The following MICAL3 variants were observed in gnomAD, a reference collection of about 807,000 sequenced individuals.
MICAL3 encodes [F-actin]-monooxygenase MICAL3.
A neutral mutation model predicts 207.4 loss-of-function variants in MICAL3; 62 were observed. The ratio of observed to expected loss-of-function variants is 0.30; its 90% CI spans 0.24 to 0.37. The LOEUF (loss-of-function observed/expected upper bound fraction) is 0.37, where lower values mean the gene tolerates loss of function less well. Among genes scored for constraint, MICAL3 ranks in the 10% least tolerant of loss-of-function variants. The pLI is 1.00. For synonymous variants in MICAL3, 1,077 were observed against 1,069.3 expected, an observed-to-expected ratio of 1.01 and a Z score of -0.14; for missense variants, 2,368 against 2,635.6, an observed-to-expected ratio of 0.90 and a Z score of 2.22.
In MICAL3 at chr22:17,819,059, G is replaced by A. The variant is rs1921260834; in HGVS notation, c.3602C>T (p.Pro1201Leu). ...KSPEERLFPE[P>L]LLPKEKPKAD... ...TTTGGGCTTCTCTTTGGGGAGCAAAGGCTCAGGGAAAAGGCGCTCCTCAGG... is the reference window on the plus strand; with the variant it reads ...TTTGGGCTTCTCTTTGGGGAGCAAAAGCTCAGGGAAAAGGCGCTCCTCAGG... Residue 1201 changes from proline (P) to leucine (L), a missense_variant, in exon 26 of 32, where the codon CCT (proline) becomes CTT (leucine). Transcript: ENST00000441493. The A allele has an allele frequency of 1.9e-6, 3 of 1,573,928 alleles. No homozygotes were observed. The highest frequency in any genetic ancestry group is 1.4e-5 in the African/African-American group (1 of 73,564).
chr22:17,999,644 G>T (rs956433008), intron 1 of MICAL3, among the ~76,000 whole-genome samples: 1 of 152,180 alleles, frequency 6.6e-6, no homozygotes. Flanking sequence ...CACGGAACAG[G>T]ATCATCCCAG....
At chr22:17,974,419 G>C (rs775655901) in intron 1 of MICAL3, among the ~76,000 whole-genome samples, 1 of 152,190 alleles carries the variant, frequency 6.6e-6, no homozygotes, top group Non-Finnish European at 1.5e-5. Context: ...ACATTTATAA[G>C]AGCTGTGTGA....
chr22:17,838,259 G>A (rs1311867296), intron 20 of MICAL3, among the ~76,000 whole-genome samples: 5 of 152,226 alleles, frequency 3.3e-5, no homozygotes, highest in South Asian at 2.1e-4. Context: ...CCCCAGAGGC[G>A]CTGAATCAGA....
intron 17 of MICAL3, among the ~76,000 whole-genome samples, 166 bp from the exon 18 acceptor site, chr22:17,866,178 C>A (rs961798585): frequency 6.6e-6 from 1 of 152,228 alleles, no homozygotes; most frequent in African/African-American, 2.4e-5. Flanking sequence ...GCCAGTTCCT[C>A]CGGGTAAACT....
At chr22:17,821,024 CCT>C (rs67966025) in intron 25 of MICAL3, among the ~76,000 whole-genome samples, 16,564 of 103,454 alleles carry the variant, frequency 0.16, 2,915 homozygotes, top group African/African-American at 0.19. Context: ...TTTTAATACA[CCT>C]ATGTTTATTA....
At chr22:17,893,652 G>A (rs1469462359) in intron 11 of MICAL3, among the ~76,000 whole-genome samples, 156 bp downstream of exon 11, 1 of 152,112 alleles carries the variant, frequency 6.6e-6, no homozygotes, top group Non-Finnish European at 1.5e-5. Flanking sequence ...CAACTACCAA[G>A]TATCCCCTGG....
Position 17,864,994 on chromosome 22 carries a change from A to G in MICAL3, c.2518-8T>C. The G allele has an allele frequency of 6.3e-7, 1 of 1,595,258 alleles. No individual in the cohort carries two copies. Among genetic ancestry groups the G allele is most frequent in the Non-Finnish European group, 8.6e-7 (1 of 1,165,930 alleles). ...CAGGGGTCCTTTGGCCTCCTAGGAA[A>G]GTTCATGAGAAAAAGAAGAGTGACT... On this transcript the variant is annotated splice_polypyrimidine_tract_variant and splice_region_variant and intron_variant, in intron 18 of 31. Coordinates refer to ENST00000441493, the MANE Select transcript of MICAL3 (RefSeq NM_015241.3).
intron 1 of MICAL3, among the ~76,000 whole-genome samples, chr22:17,941,914 G>A (rs1039636092): frequency 6.6e-6 from 1 of 152,148 alleles, no homozygotes; most frequent in Non-Finnish European, 1.5e-5. Context: ...GAAGGCCTGG[G>A]GCTGCAGCAC....
intron 1 of MICAL3, among the ~76,000 whole-genome samples, chr22:17,965,192 AAAAAAAAAAAAGG>A (rs1027170939): frequency 4.6e-5 from 7 of 151,892 alleles, no homozygotes; most frequent in Non-Finnish European, 1.0e-4. Flanking sequence ...CCAAAAAAAA[AAAAAAAAAAAAGG>A]AAGGGAACTA....
chr22:17,802,204 A>G (rs566312086), intron 29 of MICAL3, among the ~76,000 whole-genome samples: 1 of 152,204 alleles, frequency 6.6e-6, no homozygotes, highest in South Asian at 2.1e-4. Context: ...ATGGAACTAC[A>G]GGCACGTGCC....
At chr22:17,992,023 C>T (rs1921739891) in intron 1 of MICAL3, among the ~76,000 whole-genome samples, 1 of 152,216 alleles carries the variant, frequency 6.6e-6, no homozygotes, top group African/African-American at 2.4e-5. Flanking sequence ...ATGCCCAGGA[C>T]TGCTCCCACC....
intron 1 of MICAL3, among the ~76,000 whole-genome samples, chr22:17,997,916 T>C (rs1178971684): frequency 6.9e-6 from 1 of 144,300 alleles, no homozygotes; most frequent in Non-Finnish European, 1.5e-5. Flanking sequence ...TATCTTTAAG[T>C]CCTTCCGCTT....
chr22:17,985,061 G>A (rs1205022029), intron 1 of MICAL3, among the ~76,000 whole-genome samples: 1 of 152,216 alleles, frequency 6.6e-6, no homozygotes, highest in East Asian at 1.9e-4. Context: ...TTTAAACTGG[G>A]AGGCATGAGG....
In MICAL3 at chr22:17,863,552, A is replaced by T. The variant is rs1049433613; in HGVS notation, c.2605+1347T>A. ...ATTGTAGAAGGTTTAAAAGTCATTA[A>T]TGGTTGAAACATGGCTATAAAATGT... On this transcript the variant is annotated intron_variant, in intron 19 of 31. Coordinates refer to ENST00000441493, the MANE Select transcript of MICAL3 (RefSeq NM_015241.3). The T allele has an allele frequency of 1.3e-4, 128 of 985,358 alleles. 1 individual carries two copies. The highest frequency in any genetic ancestry group is 1.5e-4 in the Non-Finnish European group (125 of 829,952). 61.0% of individuals were successfully genotyped at this position (985,358 alleles called of 1,614,324 possible).
intron 1 of MICAL3, among the ~76,000 whole-genome samples, chr22:17,922,201 GGTCTGCCTACCC>G (rs1932816317): frequency 6.6e-6 from 1 of 151,064 alleles, no homozygotes. Context: ...ATTAAGTCCA[GGTCTGCCTACCC>G]GTTTGTGTTT....
chr22:17,965,300 G>A (rs989698313), intron 1 of MICAL3, among the ~76,000 whole-genome samples: 5 of 151,948 alleles, frequency 3.3e-5, no homozygotes, highest in African/African-American at 7.3e-5. Flanking sequence ...AATAATACCC[G>A]GAACCCCTAA....
chr22:18,022,961 TC>T (rs1474100171), intron 1 of MICAL3, among the ~76,000 whole-genome samples: 1 of 152,168 alleles, frequency 6.6e-6, no homozygotes, highest in African/African-American at 2.4e-5. Flanking sequence ...TGATGATCCC[TC>T]CCTCGTTTGA....
intron 1 of MICAL3, among the ~76,000 whole-genome samples, chr22:17,993,611 C>G (rs892274397): frequency 2.0e-5 from 3 of 152,114 alleles, no homozygotes; most frequent in Admixed American, 2.0e-4. Context: ...CCCCAGGTTC[C>G]TGAACACACA....
intron 1 of MICAL3, among the ~76,000 whole-genome samples, chr22:17,909,449 C>A (rs956744852): frequency 1.3e-5 from 2 of 152,184 alleles, no homozygotes; most frequent in African/African-American, 4.8e-5. Flanking sequence ...TGCTTGAATT[C>A]GGGAGGCGGA....
Sources: allele counts gnomAD v4.1 joint callset (sites outside exome capture counted in the v4.1 genomes callset), GRCh38; gene constraint gnomAD v4.1.1; transcripts MANE v1.5; gene names NCBI Gene and HGNC (gene_info 2026-07-23, HGNC 2026-07-21).